The following EIF3B variants were observed in gnomAD, a reference collection of about 807,000 sequenced individuals.
EIF3B encodes eukaryotic translation initiation factor 3 subunit B.
EIF3B carries 10 observed loss-of-function variants against 104.6 expected under a neutral mutation model. The ratio of observed to expected loss-of-function variants is 0.10; its 90% CI spans 0.06 to 0.16. The LOEUF is 0.16. EIF3B is among the 10% of genes least tolerant of loss of function. EIF3B has a pLI of 1.00. For synonymous variants in EIF3B, 542 were observed against 417.2 expected (o/e 1.30, Z -3.65); for missense variants, 1,014 against 1,087.9 (o/e 0.93, Z 0.96).
At chr7:2,371,700 CGTT>C in intron 10 of EIF3B, 74 bp from the exon 11 acceptor site, 1 of 1,144,400 alleles carries the variant, frequency 8.7e-7, no homozygotes, top group Non-Finnish European at 1.3e-6. Flanking sequence ...TTCATTGTGA[CGTT>C]GATCTTTGAT....
At chr7:2,378,607 T>C (rs1780820933) in intron 15 of EIF3B, 82 bp from the exon 16 acceptor site, 1 of 1,264,824 alleles carries the variant, frequency 7.9e-7, no homozygotes, top group Non-Finnish European at 1.1e-6. Flanking sequence ...TTGGGTGTCA[T>C]GTCATGTTGG....
At position 2,377,013 on chromosome 7, in the gene EIF3B, C is replaced by T. The variant is rs1257931642; in HGVS notation, c.2092C>T (p.Arg698Cys). 6 of 1,613,786 alleles carry T rather than the reference C, an allele frequency of 3.7e-6. No individual in the cohort carries two copies. Among genetic ancestry groups the T allele is most frequent in the South Asian group, 1.1e-5 (1 of 91,084 alleles). Residue 698 changes from arginine to cysteine, a missense_variant, in exon 15 of 19, where the codon CGC becomes TGC. Around this residue, in one of 4 missense-constraint regions of EIF3B, gnomAD observed 266 missense variants for 324.0 expected, o/e 0.82. Coordinates refer to ENST00000360876, the MANE Select transcript of EIF3B (RefSeq NM_001037283.2). ...GRLLQKNNKDRFCQLLWRPRP... is the reference protein window; with the variant it reads ...GRLLQKNNKDCFCQLLWRPRP... ...CCTCCTGCAGAAGAACAACAAGGAC[C>T]GCTTCTGCCAGCTGCTGTGGCGGCC...
In EIF3B at chr7:2,369,355, G is replaced by C. The variant is rs115449632; in HGVS notation, c.1404-117G>C. The C allele has an allele frequency of 4.3e-5, 48 of 1,119,554 alleles. 1 individual carries two copies. In the African/African-American group the frequency reaches 6.8e-4, roughly 16 times the overall value. 69.4% of individuals were successfully genotyped at this position (1,119,554 alleles called of 1,614,324 possible). ...TGGCTGTGCAGAGGGAGCGCTCAGC[G>C]TCAGCTGTGACAGCATTGAGCTTCT... On this transcript the variant is annotated intron_variant, in intron 9 of 18. Coordinates refer to ENST00000360876, the MANE Select transcript of EIF3B (RefSeq NM_001037283.2).
chr7:2,372,555 T>A (rs998923742), intron 11 of EIF3B, 118 bp from the exon 12 acceptor site: 16 of 1,322,536 alleles, frequency 1.2e-5, no homozygotes, highest in Middle Eastern at 1.9e-4. Context: ...GTCCTTTTAA[T>A]GAACTTTTAC....
At chr7:2,360,962 G>A in intron 2 of EIF3B, 60 bp downstream of exon 2, 3 of 1,404,378 alleles carry the variant, frequency 2.1e-6, no homozygotes, top group African/African-American at 1.4e-5. Flanking sequence ...ATGAGGGAGT[G>A]TTGCAGGAGA....
At chr7:2,361,976 T>G (rs1194464231) in intron 2 of EIF3B, among the ~76,000 whole-genome samples, 1 of 151,732 alleles carries the variant, frequency 6.6e-6, no homozygotes, top group Admixed American at 6.6e-5. Flanking sequence ...TATTTATTTA[T>G]TGAGACAGAG....
rs1779689135 is a variant in EIF3B at position 2,360,873 on chromosome 7, T to C, written c.663T>C (p.Phe221=). Residue 221 remains phenylalanine, a synonymous_variant, in exon 2 of 19, where the codon TTT becomes TTC. Coordinates refer to ENST00000360876, the MANE Select transcript of EIF3B (RefSeq NM_001037283.2). The stretch of plus-strand genomic sequence containing the variant: ...AGTTTGGGAAAATCACAAATGATTT[T>C]TATCCTGAAGAGGATGGGAAGACAA... ...FSKFGKITND[F]YPEEDGKTKG... 8.1e-6 allele frequency: 13 copies of C among 1,613,612 alleles called. No individual in the cohort carries two copies. The highest frequency in any genetic ancestry group is 1.1e-5 in the Non-Finnish European group (13 of 1,179,582).
chr7:2,377,142 T>A, intron 15 of EIF3B, 67 bp downstream of exon 15: 1 of 1,528,738 alleles, frequency 6.5e-7, no homozygotes, highest in Non-Finnish European at 8.8e-7. Flanking sequence ...AAGGTGTCAG[T>A]TTTTTCTGTT....
At chr7:2,378,614 T>G (rs1321390488) in intron 15 of EIF3B, 75 bp from the exon 16 acceptor site, 1 of 1,353,140 alleles carries the variant, frequency 7.4e-7, no homozygotes, top group African/African-American at 1.4e-5. Context: ...TCATGTCATG[T>G]TGGCAACTCT....
intron 1 of EIF3B, among the ~76,000 whole-genome samples, chr7:2,357,053 C>T (rs993177981): frequency 5.9e-5 from 9 of 152,094 alleles, no homozygotes; most frequent in African/African-American, 1.9e-4. Context: ...TTCTTTCTAA[C>T]GCTTCAATTG....
Position 2,374,511 on chromosome 7 carries a change from G to A in EIF3B, c.1811-17G>A, listed in dbSNP as rs201859329. On this transcript the variant is annotated splice_polypyrimidine_tract_variant and intron_variant, in intron 12 of 18. Coordinates refer to ENST00000360876, the MANE Select transcript of EIF3B (RefSeq NM_001037283.2). ...GAAGCCCTCGCAGCTCGTGACAGGC[G>A]CGCTCTTTCCTTTCAGAGATGTTCG... is the stretch of plus-strand genomic sequence containing the variant. 2.1e-4 allele frequency: 346 copies of A among 1,613,362 alleles called. 2 individuals carry two copies. In the South Asian group the frequency reaches 2.8e-3, roughly 13 times the overall value.
intron 10 of EIF3B, among the ~76,000 whole-genome samples, chr7:2,370,138 T>A (rs999340607): frequency 7.9e-5 from 12 of 152,212 alleles, no homozygotes; most frequent in African/African-American, 2.9e-4. Flanking sequence ...TTTTTTATTT[T>A]TTTATTTTTG....
At chr7:2,359,105 C>G (rs1779606468) in intron 1 of EIF3B, among the ~76,000 whole-genome samples, 1 of 152,100 alleles carries the variant, frequency 6.6e-6, no homozygotes, top group African/African-American at 2.4e-5. Context: ...CTCCAGTCTC[C>G]TAGTTTAAGT....
At chr7:2,359,635 A>T (rs78913246) in intron 1 of EIF3B, among the ~76,000 whole-genome samples, 1 of 152,192 alleles carries the variant, frequency 6.6e-6, no homozygotes, top group Non-Finnish European at 1.5e-5. Flanking sequence ...ATGGAACCCA[A>T]GAAGCGAGGG....
intron 3 of EIF3B, 134 bp from the exon 4 acceptor site, chr7:2,362,936 A>G: frequency 1.4e-6 from 2 of 1,425,262 alleles, no homozygotes; most frequent in Non-Finnish European, 1.9e-6. Context: ...GGCCTACAGC[A>G]CCCCTCCCTG....
At chr7:2,361,005 C>A in intron 2 of EIF3B, 103 bp downstream of exon 2, 2 of 940,110 alleles carry the variant, frequency 2.1e-6, no homozygotes, top group Non-Finnish European at 3.1e-6. Context: ...CTTGCCCAGG[C>A]ACGTGGGCCG....
At chr7:2,378,370 GCGAGCGC>G in intron 15 of EIF3B, 1 of 257,490 alleles carries the variant, frequency 3.9e-6, no homozygotes, top group African/African-American at 5.0e-5. Flanking sequence ...GAAGGAACAG[GCGAGCGC>G]TCCTGGGATG....
At chr7:2,377,132 A>G in intron 15 of EIF3B, 57 bp downstream of exon 15, 1 of 1,544,916 alleles carries the variant, frequency 6.5e-7, no homozygotes, top group East Asian at 2.3e-5. Context: ...TGGCGTTGAA[A>G]AGGTGTCAGT....
intron 14 of EIF3B, among the ~76,000 whole-genome samples, chr7:2,375,790 G>A (rs1201076683): frequency 6.6e-6 from 1 of 152,204 alleles, no homozygotes; most frequent in Non-Finnish European, 1.5e-5. Context: ...GAAAAGGAGT[G>A]AGAATGTCTG....
Sources: allele counts gnomAD v4.1 joint callset (sites outside exome capture counted in the v4.1 genomes callset), GRCh38; gene constraint gnomAD v4.1.1; regional missense constraint gnomAD v4.1.1; transcripts MANE v1.5; gene names NCBI Gene and HGNC (gene_info 2026-07-23, HGNC 2026-07-21).